ADAMTS17: variants seen among roughly 807,000 people sequenced by gnomAD.
ADAMTS17 encodes ADAM metallopeptidase with thrombospondin type 1 motif 17, also known as A disintegrin and metalloproteinase with thrombospondin motifs 17.
ADAMTS17 carries 113 observed loss-of-function variants against 141.5 expected under a neutral mutation model. The observed-to-expected ratio is 0.80, with a 90% CI of 0.69 to 0.93. ADAMTS17 has a LOEUF of 0.93. Among genes scored for constraint, ADAMTS17 ranks in the 40% least tolerant of loss-of-function variants. The probability of loss-of-function intolerance (pLI) is 0.00; values close to 1 mark genes in which losing one functional copy is unlikely to be tolerated. For synonymous variants in ADAMTS17, 768 were observed against 630.6 expected (o/e 1.22, Z -3.27); for missense variants, 1,659 against 1,517.9 (o/e 1.09, Z -1.54).
intron 15 of ADAMTS17, among the ~76,000 whole-genome samples, chr15:100,058,887 C>T (rs1214858729): frequency 6.6e-6 from 1 of 152,216 alleles, no homozygotes; most frequent in South Asian, 2.1e-4. Context: ...CGGACAAACC[C>T]AGGCAAGCTC....
chr15:99,986,164 G>T (rs2060582030), intron 20 of ADAMTS17, among the ~76,000 whole-genome samples: 1 of 152,246 alleles, frequency 6.6e-6, no homozygotes, highest in African/African-American at 2.4e-5. Context: ...TGGGGCAGGG[G>T]GGTTCAGGCC....
At chr15:100,022,817 G>A (rs902450462) in intron 18 of ADAMTS17, among the ~76,000 whole-genome samples, 1 of 152,112 alleles carries the variant, frequency 6.6e-6, no homozygotes, top group African/African-American at 2.4e-5. Flanking sequence ...TAGCTAATGA[G>A]CTACAGAAAC....
chr15:100,113,240 T>A (rs1258191038), intron 13 of ADAMTS17, among the ~76,000 whole-genome samples: 2 of 152,196 alleles, frequency 1.3e-5, no homozygotes, highest in Non-Finnish European at 2.9e-5. Context: ...TGCTCGTGGT[T>A]GACGGATCCC....
chr15:100,330,688 C>A (rs76411473), intron 3 of ADAMTS17, among the ~76,000 whole-genome samples: 20 of 152,150 alleles, frequency 1.3e-4, no homozygotes, highest in African/African-American at 4.6e-4. Context: ...CTTGCAGAAA[C>A]AAAACGATGA....
At chr15:100,215,375 G>A (rs954082296) in intron 7 of ADAMTS17, among the ~76,000 whole-genome samples, 5 of 152,288 alleles carry the variant, frequency 3.3e-5, no homozygotes, top group East Asian at 1.9e-4. Flanking sequence ...AATGTCTGGC[G>A]TTCTTCTGAT....
intron 18 of ADAMTS17, among the ~76,000 whole-genome samples, chr15:100,000,876 A>G (rs1314737768): frequency 6.6e-6 from 1 of 152,236 alleles, no homozygotes; most frequent in Admixed American, 6.5e-5. Flanking sequence ...ATAGTCTCAA[A>G]TAAAGGAGAC....
chr15:100,254,036 G>A, intron 7 of ADAMTS17, 100 bp downstream of exon 7: 2 of 1,135,960 alleles, frequency 1.8e-6, no homozygotes, highest in East Asian at 4.7e-5. Flanking sequence ...AGAATGTGCA[G>A]TGCTTGTTTG....
chr15:100,260,195 G>T (rs2141989674), intron 6 of ADAMTS17, among the ~76,000 whole-genome samples: 1 of 152,344 alleles, frequency 6.6e-6, no homozygotes, highest in South Asian at 2.1e-4. Context: ...GGTGTCTGGG[G>T]CTGGGGTCAC....
chr15:100,181,329 G>A (rs1005858686), intron 8 of ADAMTS17, among the ~76,000 whole-genome samples: 1 of 152,182 alleles, frequency 6.6e-6, no homozygotes, highest in Non-Finnish European at 1.5e-5. Flanking sequence ...GGTACCTAAG[G>A]TGCAAGACAA....
At chr15:100,063,846 C>G in intron 15 of ADAMTS17, 1 of 942,804 alleles carries the variant, frequency 1.1e-6, no homozygotes, top group East Asian at 6.1e-5. Flanking sequence ...ATCTAGCTAC[C>G]AAGCCCCCCA....
intron 14 of ADAMTS17, among the ~76,000 whole-genome samples, chr15:100,108,032 G>A (rs1008514572): frequency 4.6e-5 from 7 of 152,082 alleles, no homozygotes; most frequent in Non-Finnish European, 1.0e-4. Context: ...TCGTTCTGAG[G>A]GACAAAATGG....
At chr15:100,028,067 T>C (rs2029863064) in intron 18 of ADAMTS17, among the ~76,000 whole-genome samples, 1 of 152,150 alleles carries the variant, frequency 6.6e-6, no homozygotes, top group South Asian at 2.1e-4. Context: ...CTCTAGGAAC[T>C]GTAGTGCCTG....
intron 7 of ADAMTS17, among the ~76,000 whole-genome samples, chr15:100,219,214 C>T (rs1206869637): frequency 1.3e-5 from 2 of 152,176 alleles, no homozygotes; most frequent in Non-Finnish European, 2.9e-5. Flanking sequence ...TGTGGAATGA[C>T]TTCTAACGAG....
At chr15:100,262,555 A>C in intron 4 of ADAMTS17, 120 bp from the exon 5 acceptor site, 6 of 736,566 alleles carry the variant, frequency 8.1e-6, no homozygotes, top group Non-Finnish European at 1.1e-5. Context: ...GGAAATAGAA[A>C]TAAAGCGTAG....
chr15:100,306,767 C>A (rs941119877), intron 3 of ADAMTS17, among the ~76,000 whole-genome samples: 1 of 152,176 alleles, frequency 6.6e-6, no homozygotes, highest in Admixed American at 6.5e-5. Context: ...AACCCTTATG[C>A]CCTGCTGTGC....
rs921871306 is a variant in ADAMTS17 at position 99,993,570 on chromosome 15, C to T, written c.2797-370G>A. ...CCATGAGTGGGGCAGGGAACAGGGG[C>T]CAGCCGGAGCAAGGTGAGGCCCTAA... On this transcript the variant is annotated intron_variant, in intron 19 of 21. Transcript: ENST00000268070. This position sits in a 1 kb window ranked among gnomAD's most constrained non-coding sequence, Gnocchi z 4.3. Among the ~76,000 whole-genome samples the T allele has an allele frequency of 8.5e-5, 13 of 152,134 alleles. No homozygotes were observed. The highest frequency in any genetic ancestry group is 3.1e-4 in the African/African-American group (13 of 41,426).
chr15:100,208,756 G>C (rs1404569477), intron 7 of ADAMTS17, among the ~76,000 whole-genome samples: 1 of 6,038 alleles, frequency 1.7e-4, no homozygotes, highest in East Asian at 0.025. Flanking sequence ...ATGTGAAATA[G>C]AAGGAGAAGA....
Position 100,339,631 on chromosome 15 carries a change from TCCCCG to T in ADAMTS17, c.450+1403_450+1407del, listed in dbSNP as rs1398176159. Among the ~76,000 whole-genome samples, 638 of 128,328 alleles carry T rather than the reference TCCCCG, an allele frequency of 5.0e-3. 13 individuals are homozygous for T. Among genetic ancestry groups the T allele is most frequent in the Middle Eastern group, 0.019 (5 of 262 alleles). The allele number at this position is 128,328 out of a possible 152,430, so 84.2% of individuals were successfully genotyped here. ...CACATTCCCCGCCCCAGGTCCACAT[TCCCCG>T]CCCCAGGTCCACATTCCCCGCCCCA... On this transcript the variant is annotated intron_variant, in intron 2 of 21. Transcript: ENST00000268070.
intron 18 of ADAMTS17, among the ~76,000 whole-genome samples, chr15:100,008,363 A>G (rs2727121): frequency 0.61 from 92,531 of 151,990 alleles, 28,813 homozygotes; most frequent in African/African-American, 0.75. Context: ...AGAAGCAGCC[A>G]CTGAGAACAG....
Sources: allele counts gnomAD v4.1 joint callset (sites outside exome capture counted in the v4.1 genomes callset), GRCh38; gene constraint gnomAD v4.1.1; non-coding constraint Gnocchi (gnomAD v3.1); transcripts MANE v1.5; gene names NCBI Gene and HGNC (gene_info 2026-07-23, HGNC 2026-07-21).